METTL21A: variants seen among roughly 807,000 people sequenced by gnomAD.
The protein encoded by METTL21A is protein N-lysine methyltransferase METTL21A.
A neutral mutation model predicts 20.9 loss-of-function variants in METTL21A; 22 were observed. The ratio of observed to expected loss-of-function variants is 1.05; its 90% CI spans 0.75 to 1.50. METTL21A has a LOEUF of 1.50. Ranked by LOEUF, METTL21A falls within the 40% of genes most tolerant of loss-of-function variation. METTL21A has a pLI of 0.00. For missense variants in METTL21A, 271 were observed against 266.8 expected (o/e 1.02, Z -0.11); for synonymous variants, 93 against 102.0 (o/e 0.91, Z 0.53).
At chr2:207,613,089 T>C (rs776349646) in exon 4 of METTL21A, 2 of 1,593,616 alleles carry the variant, frequency 1.3e-6, no homozygotes, top group African/African-American at 1.4e-5. Context: ...TTCGTAAATA[T>C]GTACATCTTT....
intron 3 of METTL21A, among the ~76,000 whole-genome samples, chr2:207,586,493 A>G (rs984717192): frequency 6.6e-6 from 1 of 152,224 alleles, no homozygotes; most frequent in African/African-American, 2.4e-5. Flanking sequence ...ATGCTTCCTG[A>G]CATTAGACTT....
At chr2:207,624,521 T>A in intron 1 of METTL21A, 117 bp from the exon 2 acceptor site, 1 of 911,038 alleles carries the variant, frequency 1.1e-6, no homozygotes, top group Admixed American at 3.7e-5. Flanking sequence ...AAGAAACAGG[T>A]GGAGGAAGCC....
chr2:207,591,219 AT>A (rs2084972144), intron 3 of METTL21A, among the ~76,000 whole-genome samples: 1 of 152,214 alleles, frequency 6.6e-6, no homozygotes, highest in Non-Finnish European at 1.5e-5. Context: ...AGGAGAGTGT[AT>A]TAAGGCATTC....
chr2:207,614,224 G>A (rs1421535033), intron 3 of METTL21A, among the ~76,000 whole-genome samples: 1 of 152,120 alleles, frequency 6.6e-6, no homozygotes, highest in Non-Finnish European at 1.5e-5. Context: ...AACACAGGGA[G>A]ACTCCATCTC....
chr2:207,596,000 A>G (rs935129370), intron 3 of METTL21A, among the ~76,000 whole-genome samples: 6 of 151,928 alleles, frequency 3.9e-5, no homozygotes, highest in Non-Finnish European at 7.4e-5. Context: ...CTATTTGTCT[A>G]TTTTTGCTTT....
rs533984537 is a variant in METTL21A at position 207,623,655 on chromosome 2, C to G, written c.147+574G>C. ...TCACTTGAGGTCAGGAGTTCCAGATCAGCCTGGCCAACATGTCGAAACCCC... is the reference window on the plus strand; with the variant it reads ...TCACTTGAGGTCAGGAGTTCCAGATGAGCCTGGCCAACATGTCGAAACCCC... On this transcript the variant is annotated intron_variant, in intron 2 of 3. Coordinates refer to ENST00000406927, the Ensembl canonical transcript of METTL21A. Among the ~76,000 whole-genome samples, 72 of 152,302 alleles carry G rather than the reference C, an allele frequency of 4.7e-4. 3 individuals carry two copies. Among genetic ancestry groups the G allele is most frequent in the African/African-American group, 1.6e-3 (66 of 41,566 alleles).
In METTL21A at chr2:207,620,009, C is replaced by A. The variant is rs1046183547; in HGVS notation, c.259+1797G>T. On this transcript the variant is annotated intron_variant, in intron 3 of 3. Coordinates refer to ENST00000406927, the Ensembl canonical transcript of METTL21A. ...AAAACCAAGTATAACTAAGCCTATG[C>A]ACTTTGCTACACTAACATGTCTATA... Among the ~76,000 whole-genome samples the A allele has an allele frequency of 2.0e-5, 3 of 152,218 alleles. No homozygotes were observed. In the South Asian group the frequency reaches 6.2e-4, roughly 32 times the overall value.
chr2:207,614,118 A>C (rs993658873), intron 3 of METTL21A, among the ~76,000 whole-genome samples: 5 of 151,186 alleles, frequency 3.3e-5, no homozygotes, highest in Admixed American at 6.6e-5. Flanking sequence ...ATCTGGGAGC[A>C]GGCCAGGTAC....
downstream of METTL21A, among the ~76,000 whole-genome samples, chr2:207,608,722 C>G (rs193234032): frequency 2.0e-5 from 3 of 152,104 alleles, no homozygotes; most frequent in African/African-American, 7.2e-5. Context: ...ATGAAGAGAT[C>G]GAGACCACCC....
At chr2:207,619,922 A>G (rs1050480412) in intron 3 of METTL21A, among the ~76,000 whole-genome samples, 3 of 152,192 alleles carry the variant, frequency 2.0e-5, no homozygotes, top group Admixed American at 6.5e-5. Flanking sequence ...GGGGTAATCA[A>G]TGTTTAAAGG....
intron 3 of METTL21A, chr2:207,598,312 G>A: frequency 5.4e-6 from 1 of 183,740 alleles, no homozygotes; most frequent in East Asian, 8.8e-5. Flanking sequence ...TGTAAAAAGA[G>A]TAGTTATTAG....
At chr2:207,625,825 C>T (rs2091036066), upstream of METTL21A, 1 of 152,298 alleles carries the variant, frequency 6.6e-6, no homozygotes, top group Non-Finnish European at 1.5e-5. Flanking sequence ...GGCATGGTCA[C>T]TCTAGTCCCC....
intron 3 of METTL21A, among the ~76,000 whole-genome samples, chr2:207,590,823 A>G (rs886316804): frequency 6.6e-6 from 1 of 152,196 alleles, no homozygotes; most frequent in Non-Finnish European, 1.5e-5. Context: ...TGATATAAAT[A>G]ATTGATTTAA....
chr2:207,584,457 G>A (rs1366080281), intron 3 of METTL21A, among the ~76,000 whole-genome samples: 1 of 152,140 alleles, frequency 6.6e-6, no homozygotes, highest in East Asian at 1.9e-4. Context: ...AGGCTGGAGT[G>A]CAGTGGCACC....
At chr2:207,587,131 C>T (rs944741359) in intron 3 of METTL21A, among the ~76,000 whole-genome samples, 7 of 152,102 alleles carry the variant, frequency 4.6e-5, no homozygotes, top group East Asian at 1.9e-4. Context: ...TGGTGGCTCA[C>T]GCCTGTAATC....
intron 3 of METTL21A, among the ~76,000 whole-genome samples, chr2:207,591,602 T>G (rs1253123278): frequency 6.6e-6 from 1 of 152,120 alleles, no homozygotes; most frequent in Non-Finnish European, 1.5e-5. Flanking sequence ...CCAGCTAATT[T>G]TTGTATTTTT....
intron 2 of METTL21A, among the ~76,000 whole-genome samples, 186 bp from the exon 3 acceptor site, chr2:207,622,103 G>GC (rs1481440330): frequency 6.6e-6 from 1 of 151,960 alleles, no homozygotes; most frequent in African/African-American, 2.4e-5. Flanking sequence ...GGGTCCCACA[G>GC]CAGTGCCCAG....
chr2:207,582,663 GT>G (rs928579105), intron 3 of METTL21A, among the ~76,000 whole-genome samples: 10 of 152,044 alleles, frequency 6.6e-5, no homozygotes, highest in African/African-American at 2.4e-4. Context: ...GGAATGAGCT[GT>G]TTTTCCAATG....
intron 3 of METTL21A, among the ~76,000 whole-genome samples, chr2:207,590,902 C>T (rs1168952448): frequency 6.6e-6 from 1 of 152,102 alleles, no homozygotes; most frequent in Non-Finnish European, 1.5e-5. Context: ...AGCTGTGTCC[C>T]ACAAATTTTG....
Sources: allele counts gnomAD v4.1 joint callset (sites outside exome capture counted in the v4.1 genomes callset), GRCh38; gene constraint gnomAD v4.1.1; transcripts MANE v1.5; gene names NCBI Gene and HGNC (gene_info 2026-07-23, HGNC 2026-07-21).